Variants in DDX50 observed in about 807,000 individuals in gnomAD.
DDX50 encodes the protein ATP-dependent RNA helicase DDX50.
Under a neutral mutation model 94.8 loss-of-function variants are expected in DDX50, and 56 were observed. The ratio of observed to expected loss-of-function variants is 0.59; its 90% CI spans 0.48 to 0.74. The LOEUF (loss-of-function observed/expected upper bound fraction) is 0.74, where lower values mean the gene tolerates loss of function less well. Among genes scored for constraint, DDX50 ranks in the 30% least tolerant of loss-of-function variants. The pLI is 0.00. For missense variants in DDX50, 713 were observed against 881.2 expected (o/e 0.81, Z 2.42); for synonymous variants, 264 against 295.4 (o/e 0.89, Z 1.09).
chr10:68,929,300 TCTCTCTCTCTCTCTTTCTTTC>T (rs1842179495), intron 8 of DDX50, among the ~76,000 whole-genome samples: 1 of 89,802 alleles, frequency 1.1e-5, no homozygotes, highest in Non-Finnish European at 2.6e-5. Flanking sequence ...TTCCTCTCTC[TCTCTCTCTCTCTCTTTCTTTC>T]TCTTTCTTTC....
chr10:68,931,380 A>AT (rs1185400484), intron 8 of DDX50, among the ~76,000 whole-genome samples: 1 of 88,348 alleles, frequency 1.1e-5, no homozygotes, highest in African/African-American at 6.0e-5. Flanking sequence ...GTGACGGATC[A>AT]TTAAAAAAAA....
intron 2 of DDX50, among the ~76,000 whole-genome samples, chr10:68,908,170 G>A (rs989724712): frequency 1.3e-5 from 2 of 152,090 alleles, no homozygotes; most frequent in Admixed American, 6.6e-5. Context: ...AAAAAAATAG[G>A]CTGGGCGCAG....
chr10:68,936,238 A>T lies in DDX50; in HGVS notation c.1595+159A>T, dbSNP rs536654240. Among the ~76,000 whole-genome samples the T allele has an allele frequency of 2.6e-5, 4 of 152,060 alleles. No homozygotes were observed. In the East Asian group the frequency reaches 7.7e-4, roughly 29 times the overall value. On this transcript the variant is annotated intron_variant, in intron 11 of 14. Coordinates refer to ENST00000373585, the MANE Select transcript of DDX50 (RefSeq NM_024045.2). ...AACAGTGGCTCATGCCTGTAATTCCAGCACTTTGGGAGGCTGAGGCGGGCA... is the reference window on the plus strand; with the variant it reads ...AACAGTGGCTCATGCCTGTAATTCCTGCACTTTGGGAGGCTGAGGCGGGCA...
chr10:68,930,397 C>T (rs1366969461), intron 8 of DDX50, among the ~76,000 whole-genome samples: 4 of 151,896 alleles, frequency 2.6e-5, no homozygotes, highest in Admixed American at 6.6e-5. Context: ...GGATTATAGG[C>T]GTGAGCCACC....
intron 1 of DDX50, among the ~76,000 whole-genome samples, chr10:68,903,516 A>G (rs1479752814): frequency 6.6e-6 from 1 of 151,278 alleles, no homozygotes; most frequent in Non-Finnish European, 1.5e-5. Flanking sequence ...AAATACCAAA[A>G]AAGGCCAGGT....
chr10:68,925,177 C>T (rs1842052025), intron 8 of DDX50, among the ~76,000 whole-genome samples: 2 of 147,108 alleles, frequency 1.4e-5, no homozygotes. Flanking sequence ...GATCTTGGCT[C>T]ACCACAACCT....
Position 68,901,360 on chromosome 10 carries a change from C to A in DDX50, c.-25C>A. 2 of 1,527,496 alleles carry A rather than the reference C, an allele frequency of 1.3e-6. No individual in the cohort carries two copies. The highest frequency in any genetic ancestry group is 1.8e-6 in the Non-Finnish European group (2 of 1,134,934). The allele number at this position is 1,527,496 out of a possible 1,614,324, so 94.6% of individuals were successfully genotyped here. A position where few individuals can be genotyped will look rare whatever the true frequency, so the allele number is the denominator to read the frequency against. ...CGTAGGTGGTTGTGGCCACTGTGCC[C>A]GGAGGGAGGCGGCGGTGGCCAGTAA... On this transcript the variant is annotated 5_prime_UTR_variant, in exon 1 of 15. Transcript: ENST00000373585.
intron 8 of DDX50, among the ~76,000 whole-genome samples, chr10:68,921,419 A>C (rs961863178): frequency 2.6e-5 from 4 of 152,160 alleles, no homozygotes; most frequent in African/African-American, 9.7e-5. Flanking sequence ...ACATTGCCAT[A>C]AATCTAGAGT....
intron 8 of DDX50, among the ~76,000 whole-genome samples, chr10:68,923,259 C>T (rs1005747011): frequency 1.7e-4 from 24 of 143,040 alleles, no homozygotes; most frequent in African/African-American, 6.2e-4. Context: ...CACCCAGGCT[C>T]AAGTGCAGTG....
At chr10:68,941,246 T>G in intron 13 of DDX50, 52 bp downstream of exon 13, 1 of 1,589,768 alleles carries the variant, frequency 6.3e-7, no homozygotes, top group Non-Finnish European at 8.5e-7. Flanking sequence ...CCCCAAATGT[T>G]TACAAACACT....
chr10:68,946,580 G>A lies in DDX50; in HGVS notation c.2164G>A (p.Gly722Arg). 1 of 1,614,132 alleles carries A rather than the reference G, an allele frequency of 6.2e-7. No individual in the cohort carries two copies. The highest frequency in any genetic ancestry group is 8.5e-7 in the Non-Finnish European group (1 of 1,180,036). The change falls in exon 15 of 15, where the codon GGG (glycine) becomes AGG (arginine). Residue 722 changes from glycine (G) to arginine (R), a missense_variant. Coordinates refer to ENST00000373585, the MANE Select transcript of DDX50 (RefSeq NM_024045.2). ...GSRQDGRRRS[G>R]NRNRSRSGGH... is the part of the protein sequence containing the mutation. The stretch of plus-strand genomic sequence containing the variant: ...TCGACAAGATGGTAGAAGACGAAGT[G>A]GGAATAGAAATCGATCAAGAAGTGG...
chr10:68,940,995 A>G, intron 12 of DDX50, 65 bp from the exon 13 acceptor site: 1 of 1,553,636 alleles, frequency 6.4e-7, no homozygotes, highest in South Asian at 1.2e-5. Flanking sequence ...AGGATTATAG[A>G]GTTAGAATTT....
rs776442986 is a variant in DDX50 at position 68,914,024 on chromosome 10, T to G, written c.944-35T>G. The stretch of plus-strand genomic sequence containing the variant: ...AAGAGCGGGCTACATCGTGGGAAAT[T>G]AAGAAAACATTTGAATTCTTTTTGT... On this transcript the variant is annotated intron_variant, in intron 6 of 14. Transcript: ENST00000373585. 26 of 1,541,328 alleles carry G rather than the reference T, an allele frequency of 1.7e-5. No individual in the cohort carries two copies. In the Admixed American group the frequency reaches 1.8e-4, roughly 11 times the overall value.
Position 68,946,482 on chromosome 10 carries a change from G to T in DDX50, c.2066G>T (p.Arg689Leu). The stretch of plus-strand genomic sequence containing the variant: ...GGCTGGTCAAGTGGTCGATCAGGCC[G>T]GTCAGGCCGGTCAGGTGGTCGATCT... ...RSGWSSGRSG[R>L]SGRSGGRSGG... Residue 689 changes from arginine (R) to leucine (L), a missense_variant, in exon 15 of 15, where the codon CGG becomes CTG. Transcript: ENST00000373585. 1 of 1,613,990 alleles carries T rather than the reference G, an allele frequency of 6.2e-7. No individual in the cohort carries two copies. The highest frequency in any genetic ancestry group is 1.1e-5 in the South Asian group (1 of 91,018).
intron 8 of DDX50, among the ~76,000 whole-genome samples, chr10:68,922,799 T>C (rs972911404): frequency 6.7e-6 from 1 of 149,120 alleles, no homozygotes; most frequent in South Asian, 2.1e-4. Context: ...TCTCTCTCTT[T>C]TTTTTTTTTT....
At position 68,914,134 on chromosome 10, in the gene DDX50, A is replaced by T. The variant is rs1841715668; in HGVS notation, c.1019A>T (p.Tyr340Phe). Residue 340 changes from tyrosine (Y) to phenylalanine (F), a missense_variant, in exon 7 of 15, where the codon TAC (tyrosine) becomes TTC (phenylalanine). Physicochemically the swap from Tyr to Phe is conservative, Grantham distance 22. This residue lies in a region of DDX50 where 428 missense variants were observed against 602.3 expected (regional missense o/e 0.71). Transcript: ENST00000373585. ...TGGGTATACAAAGTTGCAAAAAAATACATGAAATCCAGATATGAACAGGTT... is the reference window on the plus strand; with the variant it reads ...TGGGTATACAAAGTTGCAAAAAAATTCATGAAATCCAGATATGAACAGGTT... ...PQWVYKVAKKYMKSRYEQVDL... is the reference protein window; with the variant it reads ...PQWVYKVAKKFMKSRYEQVDL... 1.2e-6 allele frequency: 2 copies of T among 1,612,426 alleles called. No individual in the cohort carries two copies. The highest frequency in any genetic ancestry group is 8.5e-7 in the Non-Finnish European group (1 of 1,179,552).
At chr10:68,910,485 C>T (rs1841594319) in intron 3 of DDX50, 103 bp downstream of exon 3, 1 of 826,734 alleles carries the variant, frequency 1.2e-6, no homozygotes, top group Admixed American at 2.9e-5. Context: ...TCACTGCAAC[C>T]TCCGCCTCCT....
chr10:68,941,166 C>G lies in DDX50; in HGVS notation c.1862C>G (p.Thr621Ser), dbSNP rs191279640. Residue 621 changes from threonine to serine, a missense_variant, in exon 13 of 15, where the codon ACC becomes AGC. Thr to Ser is a moderately conservative substitution (Grantham distance 58). Transcript: ENST00000373585. ...KLSSNAVSQI[T>S]RMCLLKGNMG... ...AGTAGTAATGCAGTGTCTCAGATTA[C>G]CAGAATGTGCCTCCTGAAAGGAAAT... 5.0e-6 allele frequency: 8 copies of G among 1,612,686 alleles called. No homozygotes were observed. The African/African-American group carries it at 8.0e-5, about 16-fold the overall frequency.
intron 3 of DDX50, 90 bp from the exon 4 acceptor site, chr10:68,910,978 T>G (rs1841609125): frequency 1.9e-6 from 2 of 1,048,270 alleles, no homozygotes; most frequent in Non-Finnish European, 2.6e-6. Context: ...TAGGCAGACA[T>G]AGAAGAATTA....
Sources: gnomAD v4.1 joint callset for allele counts (sites outside exome capture counted in the v4.1 genomes callset) on GRCh38, gnomAD v4.1.1 for gene constraint, gnomAD v4.1.1 regional missense constraint, MANE v1.5 for transcripts, NCBI Gene and HGNC (gene_info 2026-07-23, HGNC 2026-07-21) for gene names.